Variants in NEGR1 observed in about 807,000 individuals in gnomAD.
The protein encoded by NEGR1 is IgLON family member 4.
Under a neutral mutation model 40.9 loss-of-function variants are expected in NEGR1, and 10 were observed. The ratio of observed to expected loss-of-function variants is 0.24; its 90% confidence interval spans 0.15 to 0.42. The LOEUF (loss-of-function observed/expected upper bound fraction) is 0.42. NEGR1 is among the 10% of genes least tolerant of loss of function. The pLI is 1.00. For missense variants in NEGR1, 352 were observed against 438.9 expected (o/e 0.80, Z 1.77); for synonymous variants, 185 against 166.8 (o/e 1.11, Z -0.84).
At chr1:71,529,291 C>T (rs979340106) in intron 6 of NEGR1, among the ~76,000 whole-genome samples, 1 of 151,148 alleles carries the variant, frequency 6.6e-6, no homozygotes, top group African/African-American at 2.4e-5. Flanking sequence ...GGTAGGACTA[C>T]AATTTTAACT....
intron 1 of NEGR1, among the ~76,000 whole-genome samples, chr1:72,200,053 A>T (rs1557575272): frequency 6.6e-6 from 1 of 151,988 alleles, no homozygotes. Flanking sequence ...CCAAGAAAAT[A>T]GAATGCTTAT....
intron 2 of NEGR1, among the ~76,000 whole-genome samples, chr1:71,789,121 A>G (rs1657020098): frequency 6.6e-6 from 1 of 152,124 alleles, no homozygotes; most frequent in African/African-American, 2.4e-5. Flanking sequence ...GTCGAGTTAT[A>G]CACATATGGA....
intron 1 of NEGR1, among the ~76,000 whole-genome samples, chr1:72,223,423 C>G (rs1654075332): frequency 6.6e-6 from 1 of 152,140 alleles, no homozygotes; most frequent in Non-Finnish European, 1.5e-5. Context: ...TTTGAAAATC[C>G]TACCATAAAT....
chr1:71,749,575 C>T (rs1655499610), intron 3 of NEGR1, among the ~76,000 whole-genome samples: 1 of 151,968 alleles, frequency 6.6e-6, no homozygotes, highest in African/African-American at 2.4e-5. Context: ...CTGCTTGGGC[C>T]CTTTCATTTG....
chr1:71,988,240 A>G (rs924986338), intron 1 of NEGR1, among the ~76,000 whole-genome samples: 34 of 152,186 alleles, frequency 2.2e-4, no homozygotes, highest in Non-Finnish European at 4.7e-4. Flanking sequence ...ACATCCATGT[A>G]AAAGGGAGGA....
intron 5 of NEGR1, among the ~76,000 whole-genome samples, chr1:71,596,653 G>A (rs974318888): frequency 4.3e-4 from 65 of 152,268 alleles, no homozygotes; most frequent in African/African-American, 1.5e-3. Flanking sequence ...AATAAATGGA[G>A]CAGCTACACT....
chr1:72,166,150 G>T (rs1265606642), intron 1 of NEGR1, among the ~76,000 whole-genome samples: 1 of 151,828 alleles, frequency 6.6e-6, no homozygotes, highest in Non-Finnish European at 1.5e-5. Flanking sequence ...AAAACATACA[G>T]CCAGGGAATC....
At position 71,740,226 on chromosome 1, in the gene NEGR1, C is replaced by G. The variant is rs1334263743; in HGVS notation, c.535+35946G>C. 2.6e-5 allele frequency among the ~76,000 whole-genome samples: 4 copies of G among 152,184 alleles called. No homozygotes were observed. In the East Asian group the frequency reaches 7.7e-4, roughly 29 times the overall value. ...AGTCGAAACGTTTTGTTCTACGTCA[C>G]AACCATTCTTCTCCATTTCGGCCTC... On this transcript the variant is annotated intron_variant, in intron 3 of 6. Coordinates refer to ENST00000357731, the MANE Select transcript of NEGR1 (RefSeq NM_173808.3).
At chr1:71,479,464 A>T (rs1304298805) in intron 6 of NEGR1, among the ~76,000 whole-genome samples, 1 of 152,026 alleles carries the variant, frequency 6.6e-6, no homozygotes, top group African/African-American at 2.4e-5. Flanking sequence ...AGTAGAAAAA[A>T]GTCATTATAA....
intron 1 of NEGR1, among the ~76,000 whole-genome samples, chr1:72,194,569 C>A (rs1001598610): frequency 6.6e-6 from 1 of 151,912 alleles, no homozygotes; most frequent in Admixed American, 6.6e-5. Flanking sequence ...ATAGTAAAAA[C>A]TGAAAATAAC....
intron 6 of NEGR1, among the ~76,000 whole-genome samples, chr1:71,559,699 C>T (rs1039689057): frequency 6.6e-6 from 1 of 151,478 alleles, no homozygotes; most frequent in African/African-American, 2.4e-5. Context: ...ATGTGAAGTG[C>T]CTGCCAGGTT....
intron 1 of NEGR1, among the ~76,000 whole-genome samples, chr1:71,936,707 T>A (rs1028969944): frequency 1.3e-5 from 2 of 152,198 alleles, no homozygotes; most frequent in Admixed American, 6.6e-5. Context: ...ATCCACATGA[T>A]GATGACAAGC....
chr1:71,935,057 T>C (rs770986208), intron 2 of NEGR1, 22 bp downstream of exon 2: 3 of 1,350,538 alleles, frequency 2.2e-6, no homozygotes, highest in East Asian at 2.3e-5. Context: ...TTTCACAATA[T>C]AGCAGTTCTG....
intron 1 of NEGR1, among the ~76,000 whole-genome samples, chr1:72,240,801 C>A (rs893294139): frequency 6.6e-6 from 1 of 151,784 alleles, no homozygotes; most frequent in Non-Finnish European, 1.5e-5. Flanking sequence ...TCCAACATGA[C>A]CATGCTCCTG....
At chr1:71,657,763 T>A (rs888777033) in intron 4 of NEGR1, among the ~76,000 whole-genome samples, 3 of 152,120 alleles carry the variant, frequency 2.0e-5, no homozygotes, top group African/African-American at 7.2e-5. Flanking sequence ...TAATAGATAA[T>A]GAGGAAAAAG....
intron 1 of NEGR1, among the ~76,000 whole-genome samples, chr1:71,938,248 T>G (rs545321010): frequency 6.6e-6 from 1 of 152,206 alleles, no homozygotes; most frequent in South Asian, 2.1e-4. Flanking sequence ...CATGGAATTT[T>G]ACAAATTTTG....
chr1:72,094,220 G>T (rs1648610772), intron 1 of NEGR1, among the ~76,000 whole-genome samples: 1 of 151,924 alleles, frequency 6.6e-6, no homozygotes, highest in Non-Finnish European at 1.5e-5. Context: ...ATTAGAAAAG[G>T]GTTATAAAGA....
intron 4 of NEGR1, among the ~76,000 whole-genome samples, chr1:71,651,248 A>G (rs1651704846): frequency 6.6e-6 from 1 of 152,104 alleles, no homozygotes; most frequent in Admixed American, 6.5e-5. Flanking sequence ...GCTTGTAGAG[A>G]GTCTGTTTGG....
intron 1 of NEGR1, among the ~76,000 whole-genome samples, chr1:72,049,603 C>T (rs1158129043): frequency 6.6e-6 from 1 of 151,550 alleles, no homozygotes; most frequent in Non-Finnish European, 1.5e-5. Context: ...GAGAATTTAG[C>T]CTCAAGCTCA....
Sources: allele counts gnomAD v4.1 joint callset (sites outside exome capture counted in the v4.1 genomes callset), GRCh38; gene constraint gnomAD v4.1.1; transcripts MANE v1.5; gene names NCBI Gene and HGNC (gene_info 2026-07-23, HGNC 2026-07-21).